TNFSF4: variants seen among roughly 807,000 people sequenced by gnomAD.
TNFSF4 encodes the protein TNF superfamily member 4.
Under a neutral mutation model 7.3 loss-of-function variants are expected in TNFSF4, and 4 were observed. The ratio of observed to expected loss-of-function variants is 0.55; its 90% CI spans 0.27 to 1.25. The LOEUF (loss-of-function observed/expected upper bound fraction) is 1.25. Among genes scored for constraint, TNFSF4 ranks in the 50% most tolerant of loss-of-function variants. The pLI is 0.12. For synonymous variants in TNFSF4, 76 were observed against 83.7 expected, an observed-to-expected ratio of 0.91 and a Z score of 0.50; for missense variants, 181 against 208.8, an observed-to-expected ratio of 0.87 and a Z score of 0.82.
the TNFSF4 span, among the ~76,000 whole-genome samples, chr1:173,321,643 C>T: frequency 1.6e-4 from 24 of 151,908 alleles, no homozygotes; most frequent in African/African-American, 5.3e-4. Flanking sequence ...AAAAAACCAT[C>T]AGAAAGTGGG....
At chr1:173,224,599 C>G in the TNFSF4 span, among the ~76,000 whole-genome samples, 3 of 152,128 alleles carry the variant, frequency 2.0e-5, no homozygotes, top group East Asian at 1.9e-4. Context: ...AAACATGCAA[C>G]GCAGTAAGGA....
chr1:173,254,050 C>T, the TNFSF4 span, among the ~76,000 whole-genome samples: 8 of 152,176 alleles, frequency 5.3e-5, no homozygotes, highest in Admixed American at 3.9e-4. Context: ...ATTTAAAAAT[C>T]GAGTTCTAAG....
At chr1:173,202,736 C>A (rs1649999024) in intron 1 of TNFSF4, among the ~76,000 whole-genome samples, 1 of 152,144 alleles carries the variant, frequency 6.6e-6, no homozygotes. Flanking sequence ...CTGCTCCCCA[C>A]CTCCCCAGCT....
the TNFSF4 span, among the ~76,000 whole-genome samples, chr1:173,276,480 C>CT: frequency 6.6e-6 from 1 of 152,062 alleles, no homozygotes; most frequent in Non-Finnish European, 1.5e-5. Flanking sequence ...GAAAAGCACA[C>CT]TAAGCTGGGA....
chr1:173,413,973 C>A, the TNFSF4 span, among the ~76,000 whole-genome samples: 1 of 152,126 alleles, frequency 6.6e-6, no homozygotes, highest in African/African-American at 2.4e-5. Flanking sequence ...TGTCTGCTGG[C>A]AAAAGACCCT....
chr1:173,234,802 A>C, the TNFSF4 span, among the ~76,000 whole-genome samples: 1 of 151,696 alleles, frequency 6.6e-6, no homozygotes, highest in African/African-American at 2.4e-5. Flanking sequence ...CGTGGGGTGG[A>C]GGGAGTGGGG....
At chr1:173,192,861 A>C (rs1649541740) in intron 1 of TNFSF4, among the ~76,000 whole-genome samples, 1 of 152,218 alleles carries the variant, frequency 6.6e-6, no homozygotes, top group Non-Finnish European at 1.5e-5. Context: ...AGAGAGTTGT[A>C]AAGTTTGAAT....
the TNFSF4 span, among the ~76,000 whole-genome samples, chr1:173,173,529 A>G: frequency 3.9e-5 from 6 of 152,222 alleles, no homozygotes; most frequent in Admixed American, 6.5e-5. Flanking sequence ...GTTGTCCATG[A>G]GGGCTCCACC....
chr1:173,213,916 T>C, the TNFSF4 span, among the ~76,000 whole-genome samples: 1 of 152,142 alleles, frequency 6.6e-6, no homozygotes, highest in South Asian at 2.1e-4. Flanking sequence ...TTTATCTGGA[T>C]TGGGGGTAGG....
chr1:173,409,737 C>T, the TNFSF4 span, among the ~76,000 whole-genome samples: 1 of 152,138 alleles, frequency 6.6e-6, no homozygotes, highest in Non-Finnish European at 1.5e-5. Context: ...CTCCCACATG[C>T]AAATCTAATC....
the TNFSF4 span, among the ~76,000 whole-genome samples, chr1:173,435,738 T>A: frequency 6.6e-6 from 1 of 152,350 alleles, no homozygotes; most frequent in South Asian, 2.1e-4. Context: ...TTAATCTACC[T>A]CTGAGGAAAG....
At chr1:173,443,615 C>T in the TNFSF4 span, among the ~76,000 whole-genome samples, 2 of 152,156 alleles carry the variant, frequency 1.3e-5, no homozygotes, top group Admixed American at 6.5e-5. Context: ...TTTATACACA[C>T]ACACCCTCAG....
the TNFSF4 span, among the ~76,000 whole-genome samples, chr1:173,416,283 G>T: frequency 6.6e-6 from 1 of 152,342 alleles, no homozygotes; most frequent in Admixed American, 6.5e-5. Flanking sequence ...CTCAGAACAT[G>T]GTCCAAATTT....
At chr1:173,324,468 T>C in the TNFSF4 span, among the ~76,000 whole-genome samples, 1 of 152,016 alleles carries the variant, frequency 6.6e-6, no homozygotes, top group Non-Finnish European at 1.5e-5. Context: ...ACAAGCAAAA[T>C]AACCAGCGAA....
chr1:173,264,824 C>T, the TNFSF4 span, among the ~76,000 whole-genome samples: 8 of 152,272 alleles, frequency 5.3e-5, no homozygotes, highest in Non-Finnish European at 1.0e-4. Flanking sequence ...TTCTAAAATT[C>T]TACTGTTCTT....
At chr1:173,286,580 T>C in the TNFSF4 span, among the ~76,000 whole-genome samples, 3 of 152,272 alleles carry the variant, frequency 2.0e-5, no homozygotes, top group Admixed American at 1.3e-4. Flanking sequence ...CTGTGCTACA[T>C]GCAAAAACTT....
the TNFSF4 span, among the ~76,000 whole-genome samples, chr1:173,432,505 T>C: frequency 1.3e-5 from 2 of 152,232 alleles, no homozygotes; most frequent in Non-Finnish European, 2.9e-5. Flanking sequence ...GCCTTGTCTA[T>C]GTGAGCACAC....
the TNFSF4 span, among the ~76,000 whole-genome samples, chr1:173,296,829 G>A: frequency 6.6e-6 from 1 of 151,916 alleles, no homozygotes; most frequent in Non-Finnish European, 1.5e-5. Flanking sequence ...CAAGGAAAAT[G>A]GTATGGATGG....
At chr1:173,342,215 C>A in the TNFSF4 span, among the ~76,000 whole-genome samples, 1 of 152,078 alleles carries the variant, frequency 6.6e-6, no homozygotes, top group African/African-American at 2.4e-5. Flanking sequence ...CAGGGTTAAT[C>A]GTTAATCTCT....
Sources: allele counts gnomAD v4.1 joint callset (sites outside exome capture counted in the v4.1 genomes callset), GRCh38; gene constraint gnomAD v4.1.1; transcripts MANE v1.5; gene names NCBI Gene and HGNC (gene_info 2026-07-23, HGNC 2026-07-21).